The following CUX2 variants were observed in gnomAD, a reference collection of about 807,000 sequenced individuals.
The protein encoded by CUX2 is homeobox protein cut-like 2.
In CUX2, 40 loss-of-function variants were observed where a neutral mutation model predicts 144.8. The observed-to-expected ratio is 0.28, with a 90% confidence interval of 0.21 to 0.36. The LOEUF is 0.36. Ranked by LOEUF, CUX2 falls within the 10% of genes least tolerant of loss-of-function variation. The probability of loss-of-function intolerance (pLI) is 1.00; values close to 1 mark genes in which losing one functional copy is unlikely to be tolerated. For synonymous variants in CUX2, 827 were observed against 875.6 expected, an observed-to-expected ratio of 0.94 and a Z score of 0.98; for missense variants, 1,615 against 1,994.0, an observed-to-expected ratio of 0.81 and a Z score of 3.62.
intron 1 of CUX2, among the ~76,000 whole-genome samples, chr12:111,210,225 G>A (rs2136220138): frequency 6.6e-6 from 1 of 152,300 alleles, no homozygotes; most frequent in South Asian, 2.1e-4. Context: ...ATAGTGCCAT[G>A]AGCTTTTTAA....
At chr12:111,225,029 C>T (rs1304507422) in intron 3 of CUX2, among the ~76,000 whole-genome samples, 1 of 152,188 alleles carries the variant, frequency 6.6e-6, no homozygotes, top group Non-Finnish European at 1.5e-5. Flanking sequence ...CCTCAGCCTC[C>T]CGAGTAGCTG....
At chr12:111,129,329 C>T (rs1392471667) in intron 1 of CUX2, among the ~76,000 whole-genome samples, 6 of 152,224 alleles carry the variant, frequency 3.9e-5, no homozygotes, top group African/African-American at 1.2e-4. Flanking sequence ...CAAATGATGA[C>T]GTAGAGCCAG....
At chr12:111,241,284 C>T (rs1883007190) in intron 3 of CUX2, among the ~76,000 whole-genome samples, 1 of 152,158 alleles carries the variant, frequency 6.6e-6, no homozygotes. Context: ...GAGAGATCCA[C>T]CCCCACGGCC....
At chr12:111,234,716 CTTTTTTTTT>C (rs779196975) in intron 3 of CUX2, among the ~76,000 whole-genome samples, 2 of 132,950 alleles carry the variant, frequency 1.5e-5, no homozygotes, top group Non-Finnish European at 3.2e-5. Flanking sequence ...CTTCCCCTTT[CTTTTTTTTT>C]TTTTTTTTTC....
intron 1 of CUX2, among the ~76,000 whole-genome samples, chr12:111,129,644 A>G (rs775151034): frequency 1.3e-5 from 2 of 152,230 alleles, no homozygotes; most frequent in Non-Finnish European, 2.9e-5. Flanking sequence ...ATGTGGTGGC[A>G]GTCACCACCC....
intron 1 of CUX2, among the ~76,000 whole-genome samples, chr12:111,150,629 G>A (rs953358256): frequency 3.3e-5 from 5 of 152,066 alleles, no homozygotes; most frequent in Non-Finnish European, 5.9e-5. Flanking sequence ...CTTCTGCCCC[G>A]GGCAGGAGGC....
In CUX2 at chr12:111,255,027, G is replaced by A. The variant is rs1883743612; in HGVS notation, c.223-8734G>A. ...TAATATTTGTATTTTTAATAGAGAC[G>A]GGGTTTCACATGTTGGCCAGGCTGG... On this transcript the variant is annotated intron_variant, in intron 3 of 21. Transcript: ENST00000261726. This position sits in a 1 kb window ranked among gnomAD's most constrained non-coding sequence, Gnocchi z 4.1. 2.6e-5 allele frequency among the ~76,000 whole-genome samples: 4 copies of A among 152,132 alleles called. No individual in the cohort carries two copies. Among genetic ancestry groups the A allele is most frequent in the South Asian group, 2.1e-4 (1 of 4,832 alleles).
rs540075759 is a variant in CUX2 at position 111,037,231 on chromosome 12, G to A, written c.63+2991G>A. Among the ~76,000 whole-genome samples the A allele has an allele frequency of 8.4e-4, 128 of 152,264 alleles. 1 individual carries two copies. Among genetic ancestry groups the A allele is most frequent in the Middle Eastern group, 3.4e-3 (1 of 294 alleles). ...GTGGCTTTCATTCCTGGCTGTTCAG[G>A]TTGAATGGTTTCTCGCAGCGTGGTT... On this transcript the variant is annotated intron_variant, in intron 1 of 21. Transcript: ENST00000261726. The surrounding 1 kb of genome is among the most constrained non-coding windows in gnomAD (Gnocchi z 5.4).
Position 111,174,061 on chromosome 12 carries a change from G to A in CUX2, c.64-40139G>A, listed in dbSNP as rs528872932. 5.3e-5 allele frequency among the ~76,000 whole-genome samples: 8 copies of A among 152,340 alleles called. No individual in the cohort carries two copies. The South Asian group carries it at 1.7e-3, about 32-fold the overall frequency. ...GGGAGGAAATGCTGTAGAGAAGCAG[G>A]CAGGGCCCTGACCACACAGGCCTTG... On this transcript the variant is annotated intron_variant, in intron 1 of 21. Coordinates refer to ENST00000261726, the MANE Select transcript of CUX2 (RefSeq NM_015267.4).
In CUX2 at chr12:111,117,622, A is replaced by G. The variant is rs139859389; in HGVS notation, c.63+83382A>G. ...AACAACAAGGAGTTCCTCTGACCCT[A>G]CAACAGACCTCCAAGATGACACTGA... On this transcript the variant is annotated intron_variant, in intron 1 of 21. Coordinates refer to ENST00000261726, the MANE Select transcript of CUX2 (RefSeq NM_015267.4). Among the ~76,000 whole-genome samples, 27 of 152,348 alleles carry G rather than the reference A, an allele frequency of 1.8e-4. 1 individual carries two copies. The highest frequency in any genetic ancestry group is 3.4e-3 in the Middle Eastern group (1 of 294).
At chr12:111,155,397 C>G (rs1465051235) in intron 1 of CUX2, among the ~76,000 whole-genome samples, 1 of 152,206 alleles carries the variant, frequency 6.6e-6, no homozygotes, top group African/African-American at 2.4e-5. Flanking sequence ...GGCCATGATT[C>G]TTAGTGCTCT....
At position 111,132,848 on chromosome 12, in the gene CUX2, A is replaced by C. The variant is rs150157228; in HGVS notation, c.64-81352A>C. The stretch of plus-strand genomic sequence containing the variant: ...CTCCCAAAGTGCTGGGATTACAGGC[A>C]TGAGCCACTATGCCTGGCCTGTTTC... On this transcript the variant is annotated intron_variant, in intron 1 of 21. Coordinates refer to ENST00000261726, the MANE Select transcript of CUX2 (RefSeq NM_015267.4). Among the ~76,000 whole-genome samples the C allele has an allele frequency of 9.4e-3, 1,425 of 152,218 alleles. 30 individuals are homozygous for C. Among genetic ancestry groups the C allele is most frequent in the African/African-American group, 0.033 (1,359 of 41,530 alleles).
rs1483108258 is a variant in CUX2 at position 111,320,037 on chromosome 12, G to A, written c.2028G>A (p.Pro676=). The change falls in exon 17 of 22, where the codon CCG becomes CCA. Residue 676 remains proline (P), a synonymous_variant. Transcript: ENST00000261726. The surrounding 1 kb of genome is among the most constrained non-coding windows in gnomAD (Gnocchi z 8.1). ...KGGEPKTSVA[P]LSIANGTTPA... Reference sequence around the variant, plus strand: ...GCGAGCCCAAGACCTCGGTGGCCCCGCTGAGCATCGCCAACGGCACGACCC... The same window carrying A: ...GCGAGCCCAAGACCTCGGTGGCCCCACTGAGCATCGCCAACGGCACGACCC... 2.6e-6 allele frequency: 4 copies of A among 1,537,702 alleles called. No individual in the cohort carries two copies. Among genetic ancestry groups the A allele is most frequent in the South Asian group, 1.2e-5 (1 of 83,822 alleles).
At chr12:111,303,945 CG>C (rs1470863862) in intron 9 of CUX2, among the ~76,000 whole-genome samples, 2 of 152,178 alleles carry the variant, frequency 1.3e-5, no homozygotes, top group Non-Finnish European at 2.9e-5. Context: ...AGGCACCCCA[CG>C]AGAACCCAGA....
At chr12:111,146,941 C>A (rs1253630744) in intron 1 of CUX2, among the ~76,000 whole-genome samples, 1 of 152,118 alleles carries the variant, frequency 6.6e-6, no homozygotes, top group African/African-American at 2.4e-5. Flanking sequence ...CGAGACCAAC[C>A]TAACCAACAT....
intron 1 of CUX2, among the ~76,000 whole-genome samples, chr12:111,065,194 A>G (rs1870967463): frequency 6.6e-6 from 1 of 152,374 alleles, no homozygotes; most frequent in Admixed American, 6.5e-5. Flanking sequence ...CACTTTGCAG[A>G]CTACAGTCTC....
intron 1 of CUX2, among the ~76,000 whole-genome samples, chr12:111,140,461 A>G (rs964320726): frequency 5.1e-4 from 77 of 152,356 alleles, no homozygotes; most frequent in African/African-American, 1.8e-3. Context: ...TAGGAATATT[A>G]GTACAGAAGA....
chr12:111,122,732 T>G (rs1159184692), intron 1 of CUX2, among the ~76,000 whole-genome samples: 1 of 152,168 alleles, frequency 6.6e-6, no homozygotes, highest in Non-Finnish European at 1.5e-5. Flanking sequence ...GCACGAGCAA[T>G]AAATAATGTC....
chr12:111,189,013 G>T (rs1429667482), intron 1 of CUX2, among the ~76,000 whole-genome samples: 2 of 152,182 alleles, frequency 1.3e-5, no homozygotes, highest in Non-Finnish European at 2.9e-5. Flanking sequence ...ACCAGGCACA[G>T]TGGCTCACAA....
Sources: allele counts gnomAD v4.1 joint callset (sites outside exome capture counted in the v4.1 genomes callset), GRCh38; gene constraint gnomAD v4.1.1; non-coding constraint Gnocchi (gnomAD v3.1); transcripts MANE v1.5; gene names NCBI Gene and HGNC (gene_info 2026-07-23, HGNC 2026-07-21).